Variants in DST observed in about 807,000 individuals in gnomAD.
DST encodes bullous pemphigoid antigen.
A neutral mutation model predicts 875.2 loss-of-function variants in DST; 253 were observed. That is an observed-to-expected ratio of 0.29 (90% CI 0.26 to 0.32). The LOEUF is 0.32. DST is among the 10% of genes least tolerant of loss of function. DST has a pLI of 1.00. For missense variants in DST, 8,287 were observed against 9,111.6 expected, an observed-to-expected ratio of 0.91 and a Z score of 3.68; for synonymous variants, 3,124 against 3,197.1, an observed-to-expected ratio of 0.98 and a Z score of 0.77.
intron 4 of DST, among the ~76,000 whole-genome samples, chr6:56,788,243 C>A (rs947656964): frequency 6.7e-6 from 1 of 148,446 alleles, no homozygotes; most frequent in Non-Finnish European, 1.5e-5. Context: ...TGCTCTGTCA[C>A]TCAGGCTAGA....
Position 56,492,214 on chromosome 6 carries a change from A to G in DST, c.20757+13T>C. ...ATTGACAAGTTCAGAGAATTTTTCT[A>G]AAGGGTTATTACCTGCTTGGCTCTC... On this transcript the variant is annotated intron_variant, in intron 85 of 103. Coordinates refer to ENST00000680361, the MANE Select transcript of DST (RefSeq NM_001374736.1). 1.2e-6 allele frequency: 2 copies of G among 1,610,108 alleles called. No individual in the cohort carries two copies.
At chr6:56,502,296 A>C (rs1487736918) in intron 78 of DST, among the ~76,000 whole-genome samples, 4 of 152,172 alleles carry the variant, frequency 2.6e-5, no homozygotes, top group African/African-American at 9.6e-5. Context: ...AGTTGCTTGT[A>C]ATAGGTAACT....
chr6:56,683,190 T>A (rs1221300081), intron 9 of DST, among the ~76,000 whole-genome samples: 2 of 152,174 alleles, frequency 1.3e-5, no homozygotes, highest in Non-Finnish European at 2.9e-5. Context: ...TCAACTTGAG[T>A]CAAGGCAACT....
intron 101 of DST, 49 bp downstream of exon 101, chr6:56,463,516 G>T: frequency 6.8e-7 from 1 of 1,464,504 alleles, no homozygotes; most frequent in South Asian, 1.3e-5. Flanking sequence ...AAGTCTACTT[G>T]GGACATTGAT....
Position 56,605,048 on chromosome 6 carries a change from T to A in DST, c.9580A>T (p.Lys3194Ter), listed in dbSNP as rs1411974489. ...LKHCAKNIKA[K>*]DVAKPNEDVP... is the part of the protein sequence containing the mutation. ...TCTTCATTTGGTTTGGCTACATCTT[T>A]TGCTTTTATATTTTTAGCACAATGT... Residue 3194 changes from lysine to a stop codon, truncating the protein, a stop_gained, in exon 40 of 104, where the codon AAA (lysine) becomes TAA (stop). Transcript: ENST00000680361. LOFTEE classifies it high-confidence loss of function. 1 of 1,612,938 alleles carries A rather than the reference T, an allele frequency of 6.2e-7. No homozygotes were observed.
chr6:56,632,044 T>G lies in DST; in HGVS notation c.3806-4A>C. 1 of 1,607,840 alleles carries G rather than the reference T, an allele frequency of 6.2e-7. No individual in the cohort carries two copies. The highest frequency in any genetic ancestry group is 8.5e-7 in the Non-Finnish European group (1 of 1,174,542). On this transcript the variant is annotated splice_polypyrimidine_tract_variant and splice_region_variant and intron_variant, in intron 28 of 103. Coordinates refer to ENST00000680361, the MANE Select transcript of DST (RefSeq NM_001374736.1). ...TAAACTGATTCCTCTTGCTCCTCTG[T>G]GAAAATAAATATGTTTAGAAAATAC...
chr6:56,949,859 T>C (rs1305008465), intron 2 of DST, among the ~76,000 whole-genome samples: 1 of 152,192 alleles, frequency 6.6e-6, no homozygotes, highest in Admixed American at 6.5e-5. Flanking sequence ...TGCTGTGAAA[T>C]GTGGTTATTT....
intron 5 of DST, among the ~76,000 whole-genome samples, chr6:56,717,593 T>C (rs759105464): frequency 5.9e-5 from 9 of 152,188 alleles, no homozygotes; most frequent in African/African-American, 2.2e-4. Context: ...CTCCTGCAGA[T>C]AGCATCACTA....
At chr6:56,723,188 C>T (rs971177496) in intron 5 of DST, among the ~76,000 whole-genome samples, 1 of 152,138 alleles carries the variant, frequency 6.6e-6, no homozygotes, top group Non-Finnish European at 1.5e-5. Flanking sequence ...GAATTTTAGA[C>T]AATTAAAGAA....
At chr6:56,600,349 T>C (rs139055035) in intron 44 of DST, 128 bp from the exon 45 acceptor site, 20 of 828,882 alleles carry the variant, frequency 2.4e-5, no homozygotes, top group Admixed American at 9.1e-5. Context: ...GCTGTAAACA[T>C]GATAGCAGTA....
At chr6:56,719,171 A>C (rs1235108937) in intron 5 of DST, among the ~76,000 whole-genome samples, 1 of 152,254 alleles carries the variant, frequency 6.6e-6, no homozygotes, top group Non-Finnish European at 1.5e-5. Flanking sequence ...ATAAAAATTA[A>C]TAATGGTTCC....
intron 2 of DST, among the ~76,000 whole-genome samples, chr6:56,946,692 A>G (rs1302589139): frequency 6.6e-6 from 1 of 152,216 alleles, no homozygotes; most frequent in East Asian, 1.9e-4. Context: ...TCGTAGGTGC[A>G]ATAAGTTTAA....
intron 75 of DST, among the ~76,000 whole-genome samples, chr6:56,508,157 C>T (rs551066955): frequency 1.3e-5 from 2 of 152,190 alleles, no homozygotes; most frequent in East Asian, 1.9e-4. Context: ...GCTTCACCCT[C>T]GAACTAGCTG....
intron 4 of DST, among the ~76,000 whole-genome samples, chr6:56,774,992 CAAAAA>C (rs71549720): frequency 1.9e-5 from 1 of 52,320 alleles, no homozygotes. Flanking sequence ...AACTCCATCT[CAAAAA>C]AAAAAAAAAA....
At chr6:56,788,570 T>TA (rs2099709801) in intron 4 of DST, among the ~76,000 whole-genome samples, 1 of 152,182 alleles carries the variant, frequency 6.6e-6, no homozygotes, top group African/African-American at 2.4e-5. Context: ...GTGTAAGTAA[T>TA]AAAAATAGCA....
intron 15 of DST, 38 bp downstream of exon 15, chr6:56,645,828 C>T: frequency 6.2e-7 from 1 of 1,605,054 alleles, no homozygotes; most frequent in Non-Finnish European, 8.5e-7. Context: ...GGCCCCCTCC[C>T]CACTTGATAT....
At position 56,592,290 on chromosome 6, in the gene DST, A is replaced by C; in HGVS notation, c.12795T>G (p.Cys4265Trp). 1.2e-6 allele frequency: 2 copies of C among 1,611,468 alleles called. No homozygotes were observed. The change falls in exon 49 of 104, where the codon TGT becomes TGG. Residue 4265 changes from cysteine (C) to tryptophan (W), a missense_variant. Coordinates refer to ENST00000680361, the MANE Select transcript of DST (RefSeq NM_001374736.1). ...DKYQHYEDAS[C>W]GLLAGLQACE... is the part of the protein sequence containing the mutation. The stretch of plus-strand genomic sequence containing the variant: ...AGGCCTGGAGTCCAGCAAGAAGTCC[A>C]CATGAAGCATCTTCATAGTGTTGAT...
At chr6:56,781,740 C>T (rs1270525328) in intron 4 of DST, among the ~76,000 whole-genome samples, 3 of 152,070 alleles carry the variant, frequency 2.0e-5, no homozygotes, top group Non-Finnish European at 4.4e-5. Context: ...ATTGCCCTGG[C>T]CAGAACTTTC....
chr6:56,569,834 G>A, intron 54 of DST, 22 bp downstream of exon 54: 1 of 1,587,984 alleles, frequency 6.3e-7, no homozygotes, highest in Non-Finnish European at 8.6e-7. Flanking sequence ...TGGAAATTTA[G>A]TATTAGATAA....
Sources: allele counts gnomAD v4.1 joint callset (sites outside exome capture counted in the v4.1 genomes callset), GRCh38; gene constraint gnomAD v4.1.1; transcripts MANE v1.5; gene names NCBI Gene and HGNC (gene_info 2026-07-23, HGNC 2026-07-21).